The following OSBPL10 variants were observed in gnomAD, a reference collection of about 807,000 sequenced individuals.
OSBPL10 encodes the protein oxysterol-binding protein-related protein 10.
Under a neutral mutation model 81.7 loss-of-function variants are expected in OSBPL10, and 49 were observed. The ratio of observed to expected loss-of-function variants is 0.60; its 90% CI spans 0.48 to 0.76. The LOEUF is 0.76. Ranked by LOEUF, OSBPL10 falls within the 30% of genes least tolerant of loss-of-function variation. The pLI is 0.00. For missense variants in OSBPL10, 923 were observed against 987.8 expected, an observed-to-expected ratio of 0.93 and a Z score of 0.88; for synonymous variants, 419 against 383.6, an observed-to-expected ratio of 1.09 and a Z score of -1.08.
chr3:31,787,509 C>T (rs1056128278), intron 4 of OSBPL10, among the ~76,000 whole-genome samples: 16 of 151,510 alleles, frequency 1.1e-4, no homozygotes, highest in Admixed American at 1.1e-3. Context: ...GCAGGAGAAT[C>T]GCTTGAACCC....
At chr3:31,792,399 G>A (rs1490051777) in intron 4 of OSBPL10, among the ~76,000 whole-genome samples, 1 of 152,132 alleles carries the variant, frequency 6.6e-6, no homozygotes, top group Admixed American at 6.5e-5. Flanking sequence ...GTTGAGGGCA[G>A]CTCTCAAACA....
chr3:31,741,805 C>T (rs988603007), intron 5 of OSBPL10, among the ~76,000 whole-genome samples: 2 of 152,066 alleles, frequency 1.3e-5, no homozygotes, highest in African/African-American at 4.8e-5. Context: ...CTGAATCATG[C>T]GGCAGGTCTA....
At chr3:32,009,489 C>A (rs939693697) in intron 2 of OSBPL10, among the ~76,000 whole-genome samples, 2 of 152,164 alleles carry the variant, frequency 1.3e-5, no homozygotes, top group Admixed American at 6.5e-5. Context: ...CACAGGGCTA[C>A]AAGGAGGAAT....
chr3:31,765,537 C>A (rs1698170691), intron 4 of OSBPL10, among the ~76,000 whole-genome samples: 1 of 151,978 alleles, frequency 6.6e-6, no homozygotes, highest in Non-Finnish European at 1.5e-5. Flanking sequence ...AAGGAGAGCA[C>A]CCAGGCATCT....
At chr3:32,076,565 T>G (rs1374266837) in intron 1 of OSBPL10, among the ~76,000 whole-genome samples, 2 of 152,076 alleles carry the variant, frequency 1.3e-5, no homozygotes, top group African/African-American at 4.8e-5. Context: ...GACAAACTTT[T>G]TTAACTGTCC....
At chr3:31,917,111 G>A (rs1696778805) in intron 1 of OSBPL10, among the ~76,000 whole-genome samples, 1 of 152,142 alleles carries the variant, frequency 6.6e-6, no homozygotes, top group Non-Finnish European at 1.5e-5. Context: ...GGACACTGGA[G>A]AATAAGACAA....
intron 1 of OSBPL10, among the ~76,000 whole-genome samples, chr3:31,914,326 G>A (rs192636253): frequency 2.0e-5 from 3 of 152,242 alleles, no homozygotes; most frequent in South Asian, 2.1e-4. Flanking sequence ...GAGTGCTATC[G>A]CCAACTAAGT....
chr3:31,685,111 A>G (rs6785222), intron 7 of OSBPL10, among the ~76,000 whole-genome samples: 73,426 of 152,036 alleles, frequency 0.48, 18,051 homozygotes, highest in Middle Eastern at 0.58. Context: ...TGGGAAGCCC[A>G]TAACTCATTA....
At chr3:31,892,305 C>T (rs926250072) in intron 1 of OSBPL10, among the ~76,000 whole-genome samples, 6 of 152,142 alleles carry the variant, frequency 3.9e-5, no homozygotes, top group African/African-American at 1.4e-4. Flanking sequence ...AAGACGTAGG[C>T]AATGCAAACC....
intron 1 of OSBPL10, among the ~76,000 whole-genome samples, chr3:32,069,885 G>C (rs1699813102): frequency 6.6e-6 from 1 of 152,218 alleles, no homozygotes; most frequent in African/African-American, 2.4e-5. Context: ...AATGCCAAAA[G>C]CCTGGCCACT....
Position 31,670,963 on chromosome 3 carries a change from G to A in OSBPL10, c.1747C>T (p.His583Tyr). The change falls in exon 9 of 12, where the codon CAC becomes TAC. Residue 583 changes from histidine (H) to tyrosine (Y), a missense_variant. Physicochemically the swap from His to Tyr is moderately conservative, Grantham distance 83. Coordinates refer to ENST00000396556, the MANE Select transcript of OSBPL10 (RefSeq NM_017784.5). ...IGEGVLRLLE[H>Y]GEEYVFTLPS... ...AGGGTGAATACGTACTCCTCCCCGTGTTCCAGGAGCCTCAACACACCTCCA... is the reference window on the plus strand; with the variant it reads ...AGGGTGAATACGTACTCCTCCCCGTATTCCAGGAGCCTCAACACACCTCCA... 6.2e-7 allele frequency: 1 copy of A among 1,612,986 alleles called. No homozygotes were observed. The highest frequency in any genetic ancestry group is 2.2e-5 in the East Asian group (1 of 44,860).
intron 4 of OSBPL10, among the ~76,000 whole-genome samples, chr3:31,808,131 G>A (rs901346623): frequency 1.3e-5 from 2 of 152,166 alleles, no homozygotes; most frequent in African/African-American, 4.8e-5. Flanking sequence ...GTACCTTGGA[G>A]AGCAAAGAGC....
Position 31,702,368 on chromosome 3 carries a change from A to G in OSBPL10, c.1236T>C (p.Asp412=), listed in dbSNP as rs1695922876. The G allele has an allele frequency of 1.2e-6, 2 of 1,614,176 alleles. No homozygotes were observed. Residue 412 remains aspartate, a synonymous_variant, in exon 7 of 12, where the codon GAT becomes GAC. Coordinates refer to ENST00000396556, the MANE Select transcript of OSBPL10 (RefSeq NM_017784.5). ...GGACATGCCAACCTACCTTGGTCAA[A>G]TCCATTCCAAGTTTGAGTTGTGAAA... The part of the protein sequence containing the change: ...HLISQLKLGM[D]LTKVVLPTFI...
At chr3:31,868,798 C>G (rs1273295317) in intron 3 of OSBPL10, among the ~76,000 whole-genome samples, 4 of 151,968 alleles carry the variant, frequency 2.6e-5, no homozygotes, top group African/African-American at 4.8e-5. Context: ...TTCTTTTTAC[C>G]CTACTTTTCA....
intron 3 of OSBPL10, among the ~76,000 whole-genome samples, chr3:31,849,509 T>C (rs1700708306): frequency 6.6e-6 from 1 of 152,184 alleles, no homozygotes; most frequent in African/African-American, 2.4e-5. Flanking sequence ...GAGATAATTC[T>C]AGGTCTAGAA....
chr3:31,806,988 C>G, intron 4 of OSBPL10, among the ~76,000 whole-genome samples: 1 of 152,142 alleles, frequency 6.6e-6, no homozygotes, highest in East Asian at 1.9e-4. Context: ...TGGTCATGGA[C>G]AGCCCAGGCC....
chr3:31,966,206 T>C (rs1379119854), intron 1 of OSBPL10, among the ~76,000 whole-genome samples: 2 of 148,702 alleles, frequency 1.3e-5, no homozygotes, highest in Non-Finnish European at 3.0e-5. Flanking sequence ...TTCACACTTC[T>C]AAATAATTCA....
intron 4 of OSBPL10, chr3:31,794,560 C>T: frequency 2.8e-6 from 1 of 352,938 alleles, no homozygotes. Context: ...GAAATGGAGT[C>T]TCCTTAGTGA....
chr3:31,985,020 C>T (rs1559542737), upstream of OSBPL10, among the ~76,000 whole-genome samples: 1 of 152,190 alleles, frequency 6.6e-6, no homozygotes, highest in Admixed American at 6.5e-5. Context: ...GGGCGGGTCA[C>T]GTGAGGTCAG....
Sources: allele counts gnomAD v4.1 joint callset (sites outside exome capture counted in the v4.1 genomes callset), GRCh38; gene constraint gnomAD v4.1.1; transcripts MANE v1.5; gene names NCBI Gene and HGNC (gene_info 2026-07-23, HGNC 2026-07-21).